Variants in TSPAN9 observed in about 807,000 individuals in gnomAD.
The protein encoded by TSPAN9 is tetraspanin 9, also known as tetraspanin-9.
A neutral mutation model predicts 31.0 loss-of-function variants in TSPAN9; 16 were observed. The observed-to-expected ratio is 0.52, with a 90% CI of 0.35 to 0.78. The LOEUF (loss-of-function observed/expected upper bound fraction) is 0.78, where lower values mean the gene tolerates loss of function less well. TSPAN9 is among the 30% of genes least tolerant of loss of function. The probability of loss-of-function intolerance (pLI) is 0.01; values close to 1 mark genes in which losing one functional copy is unlikely to be tolerated. For synonymous variants in TSPAN9, 145 were observed against 121.6 expected (o/e 1.19, Z -1.27); for missense variants, 272 against 312.5 (o/e 0.87, Z 0.98).
At chr12:3,270,874 A>G (rs188803788) in intron 3 of TSPAN9, among the ~76,000 whole-genome samples, 4 of 152,366 alleles carry the variant, frequency 2.6e-5, no homozygotes, top group South Asian at 2.1e-4. Flanking sequence ...GTTTTGGTCA[A>G]TTGGGGAAGG....
intron 3 of TSPAN9, among the ~76,000 whole-genome samples, chr12:3,268,805 T>C (rs879253006): frequency 1.6e-4 from 8 of 48,882 alleles, no homozygotes; most frequent in Admixed American, 2.2e-4. Flanking sequence ...GCCCTCTCTG[T>C]GTTCCTGCAA....
At chr12:3,239,155 G>A (rs1036890823) in intron 3 of TSPAN9, among the ~76,000 whole-genome samples, 1 of 150,936 alleles carries the variant, frequency 6.6e-6, no homozygotes. Context: ...GAGGCAAGGC[G>A]TAGAGGGGTG....
chr12:3,090,635 A>G (rs1990327), intron 2 of TSPAN9, among the ~76,000 whole-genome samples: 54,081 of 152,198 alleles, frequency 0.36, 11,246 homozygotes, highest in East Asian at 0.57. Flanking sequence ...GCAGAACTCC[A>G]GGGGCGGGCA....
intron 2 of TSPAN9, among the ~76,000 whole-genome samples, chr12:3,127,301 C>T (rs2098327763): frequency 6.6e-6 from 1 of 151,994 alleles, no homozygotes; most frequent in Non-Finnish European, 1.5e-5. Flanking sequence ...GACAACAGTG[C>T]CTTCTGGATA....
At chr12:3,246,862 C>T (rs1862141389) in intron 3 of TSPAN9, among the ~76,000 whole-genome samples, 2 of 152,202 alleles carry the variant, frequency 1.3e-5, no homozygotes, top group Admixed American at 1.3e-4. Flanking sequence ...TGCTTTGTAG[C>T]CTCACTTGCT....
At chr12:3,163,797 G>C (rs11062544) in intron 2 of TSPAN9, among the ~76,000 whole-genome samples, 20,754 of 152,228 alleles carry the variant, frequency 0.14, 1,554 homozygotes, top group East Asian at 0.23. Flanking sequence ...AATTGGAGCA[G>C]ATAACACATC....
intron 2 of TSPAN9, chr12:3,174,020 C>T (rs533758882): frequency 6.6e-6 from 1 of 152,412 alleles, no homozygotes; most frequent in East Asian, 1.9e-4. Context: ...GTGTTCTGAC[C>T]TTGCTAGATG....
intron 2 of TSPAN9, among the ~76,000 whole-genome samples, chr12:3,157,103 T>G (rs987383184): frequency 6.1e-5 from 8 of 130,780 alleles, no homozygotes; most frequent in East Asian, 4.1e-4. Context: ...GAATGTGGTG[T>G]TTTTTTTTTT....
chr12:3,105,814 G>A (rs7487072), intron 2 of TSPAN9, among the ~76,000 whole-genome samples: 3 of 115,880 alleles, frequency 2.6e-5, no homozygotes, highest in East Asian at 4.7e-4. Context: ...GCGCACACAC[G>A]CACACGCGCA....
rs549770035 is a variant in TSPAN9, at chr12:3,204,560, A to G, written c.63+3304A>G. 1.4e-4 allele frequency among the ~76,000 whole-genome samples: 22 copies of G among 152,260 alleles called. No homozygotes were observed. In the South Asian group the frequency reaches 3.5e-3, roughly 24 times the overall value. On this transcript the variant is annotated intron_variant, in intron 3 of 8. Coordinates refer to ENST00000011898, the MANE Select transcript of TSPAN9 (RefSeq NM_006675.5). ...CTCCTGACACTGCGACTTCAACCAG[A>G]CAGTTCTAGCCATGTTGGCAGCCCA...
At chr12:3,110,483 C>T (rs1672021209) in intron 2 of TSPAN9, among the ~76,000 whole-genome samples, 1 of 152,124 alleles carries the variant, frequency 6.6e-6, no homozygotes, top group Admixed American at 6.6e-5. Flanking sequence ...AGATCTTTGG[C>T]CAGGACATAG....
In TSPAN9 at chr12:3,243,625, A is replaced by G. The variant is rs538947300; in HGVS notation, c.64-34796A>G. ...AGTCGTGGGGACCGATGAGGTGGAG[A>G]AGCAGCCAGGCATCGGCCCTCCTGC... On this transcript the variant is annotated intron_variant, in intron 3 of 8. Coordinates refer to ENST00000011898, the MANE Select transcript of TSPAN9 (RefSeq NM_006675.5). 2.2e-4 allele frequency among the ~76,000 whole-genome samples: 34 copies of G among 152,212 alleles called. 1 individual carries two copies. The highest frequency in any genetic ancestry group is 8.2e-4 in the African/African-American group (34 of 41,560).
At chr12:3,270,420 G>A (rs1415020482) in intron 3 of TSPAN9, among the ~76,000 whole-genome samples, 2 of 152,198 alleles carry the variant, frequency 1.3e-5, no homozygotes, top group Non-Finnish European at 2.9e-5. Flanking sequence ...CCGTGTTGGG[G>A]ACTGGGCCAT....
At chr12:3,078,050 G>C (rs1051701659) in intron 1 of TSPAN9, among the ~76,000 whole-genome samples, 1 of 152,212 alleles carries the variant, frequency 6.6e-6, no homozygotes, top group Admixed American at 6.5e-5. Flanking sequence ...AAACCGGCTT[G>C]TTGTTGTAAG....
chr12:3,232,764 G>T (rs1219620544), intron 3 of TSPAN9, among the ~76,000 whole-genome samples: 2 of 152,206 alleles, frequency 1.3e-5, no homozygotes, highest in Non-Finnish European at 2.9e-5. Flanking sequence ...TGGCTCTCCC[G>T]TTCCTCAGAC....
intron 2 of TSPAN9, among the ~76,000 whole-genome samples, chr12:3,090,924 G>A (rs181562585): frequency 6.6e-6 from 1 of 152,376 alleles, no homozygotes; most frequent in East Asian, 1.9e-4. Context: ...TTCATGTTGG[G>A]TGTCCTTTGA....
At position 3,107,424 on chromosome 12, in the gene TSPAN9, C is replaced by T. The variant is rs2098315261; in HGVS notation, c.-18+23705C>T. Among the ~76,000 whole-genome samples the T allele has an allele frequency of 6.6e-6, 1 of 152,220 alleles. No individual in the cohort carries two copies. The highest frequency in any genetic ancestry group is 2.1e-4 in the South Asian group (1 of 4,836). On this transcript the variant is annotated intron_variant, in intron 2 of 8. Transcript: ENST00000011898. The surrounding 1 kb of genome is among the most constrained non-coding windows in gnomAD (Gnocchi z 4.1). Reference sequence around the variant, plus strand: ...GCTGCCTGATGGGTTGACTCAGGGCCTTCGTTCCCAGTCTTTGGGCCTGGG... The same window carrying T: ...GCTGCCTGATGGGTTGACTCAGGGCTTTCGTTCCCAGTCTTTGGGCCTGGG...
At chr12:3,130,265 C>T (rs538468077) in intron 2 of TSPAN9, among the ~76,000 whole-genome samples, 18 of 152,354 alleles carry the variant, frequency 1.2e-4, no homozygotes, top group African/African-American at 2.9e-4. Context: ...CCTGCGGTTT[C>T]GCCCTAAAGC....
intron 2 of TSPAN9, among the ~76,000 whole-genome samples, chr12:3,174,465 G>C (rs929273142): frequency 2.0e-5 from 3 of 152,330 alleles, no homozygotes; most frequent in Non-Finnish European, 4.4e-5. Context: ...ATGAAGAGAG[G>C]TTTGTGTGTT....
Sources: allele counts gnomAD v4.1 joint callset (sites outside exome capture counted in the v4.1 genomes callset), GRCh38; gene constraint gnomAD v4.1.1; non-coding constraint Gnocchi (gnomAD v3.1); transcripts MANE v1.5; gene names NCBI Gene and HGNC (gene_info 2026-07-23, HGNC 2026-07-21).